Variants in KIAA1217 observed in about 807,000 individuals in gnomAD.
KIAA1217 encodes the protein sickle tail protein homolog.
Under a neutral mutation model 163.9 loss-of-function variants are expected in KIAA1217, and 88 were observed. The ratio of observed to expected loss-of-function variants is 0.54; its 90% CI spans 0.45 to 0.64. The LOEUF is 0.64. Ranked by LOEUF, KIAA1217 falls within the 30% of genes least tolerant of loss-of-function variation. The probability of loss-of-function intolerance (pLI) is 0.00; values close to 1 mark genes in which losing one functional copy is unlikely to be tolerated. For missense variants in KIAA1217, 2,372 were observed against 2,475.0 expected (o/e 0.96, Z 0.88); for synonymous variants, 903 against 923.1 (o/e 0.98, Z 0.39).
At chr10:23,840,179 A>G (rs1838702210) in intron 1 of KIAA1217, among the ~76,000 whole-genome samples, 1 of 148,790 alleles carries the variant, frequency 6.7e-6, no homozygotes, top group Non-Finnish European at 1.5e-5. Flanking sequence ...TTTTGAGAGG[A>G]AGTTTTGCTC....
intron 4 of KIAA1217, among the ~76,000 whole-genome samples, chr10:24,434,621 C>A (rs2059881069): frequency 6.6e-6 from 1 of 152,190 alleles, no homozygotes; most frequent in African/African-American, 2.4e-5. Context: ...TAGGCGTGGG[C>A]CACCACACCT....
intron 2 of KIAA1217, among the ~76,000 whole-genome samples, chr10:24,312,169 G>A (rs1439242081): frequency 6.6e-6 from 1 of 152,104 alleles, no homozygotes; most frequent in Non-Finnish European, 1.5e-5. Flanking sequence ...TCAGCACAAG[G>A]GCAGGACGGA....
rs1232609112 is a variant in KIAA1217, at chr10:24,356,734, C to T, written c.355-24135C>T. ...GCTCCCTTGCCCTTCCACAATTCCACCATGGGATGACACAGCAAGAAGGCC... is the reference window on the plus strand; with the variant it reads ...GCTCCCTTGCCCTTCCACAATTCCATCATGGGATGACACAGCAAGAAGGCC... On this transcript the variant is annotated intron_variant, in intron 2 of 20. Coordinates refer to ENST00000376454, the MANE Select transcript of KIAA1217 (RefSeq NM_019590.5). Among the ~76,000 whole-genome samples, 2 of 152,242 alleles carry T rather than the reference C, an allele frequency of 1.3e-5. 1 individual carries two copies. Among genetic ancestry groups the T allele is most frequent in the Admixed American group, 1.3e-4 (2 of 15,290 alleles).
intron 2 of KIAA1217, among the ~76,000 whole-genome samples, chr10:24,024,939 T>C (rs1438240998): frequency 6.6e-6 from 1 of 151,820 alleles, no homozygotes; most frequent in East Asian, 1.9e-4. Flanking sequence ...AAGTCTGTTA[T>C]CAGAATATAT....
chr10:24,266,430 T>C (rs1316188532), intron 2 of KIAA1217, among the ~76,000 whole-genome samples: 2 of 152,106 alleles, frequency 1.3e-5, no homozygotes, highest in East Asian at 1.9e-4. Flanking sequence ...CTTTTCTCCT[T>C]CCCTGATACC....
chr10:23,986,465 TTTAAA>T (rs1367604129), intron 1 of KIAA1217, among the ~76,000 whole-genome samples: 1 of 152,266 alleles, frequency 6.6e-6, no homozygotes, highest in African/African-American at 2.4e-5. Flanking sequence ...TCTGGTATAC[TTTAAA>T]TTATCTCTAG....
intron 2 of KIAA1217, among the ~76,000 whole-genome samples, chr10:24,370,160 G>T (rs2051388961): frequency 6.6e-6 from 1 of 151,558 alleles, no homozygotes; most frequent in Non-Finnish European, 1.5e-5. Context: ...AGCTACTCGG[G>T]AGGCTGAGGC....
intron 1 of KIAA1217, among the ~76,000 whole-genome samples, chr10:23,701,861 G>A (rs973088636): frequency 2.6e-5 from 4 of 152,118 alleles, no homozygotes; most frequent in Non-Finnish European, 5.9e-5. Flanking sequence ...TATACAGATC[G>A]TAATTCCTAC....
chr10:23,845,315 G>A (rs1038417132), intron 1 of KIAA1217, among the ~76,000 whole-genome samples: 2 of 152,156 alleles, frequency 1.3e-5, no homozygotes, highest in African/African-American at 4.8e-5. Flanking sequence ...TCACCACACT[G>A]TCTTCCACAA....
chr10:24,473,336 G>A lies in KIAA1217; in HGVS notation c.955G>A (p.Val319Met), dbSNP rs150098666. The change falls in exon 6 of 21, where the codon GTG (valine) becomes ATG (methionine). Residue 319 changes from valine to methionine, a missense_variant. Physicochemically the swap from Val to Met is conservative, Grantham distance 21. Coordinates refer to ENST00000376454, the MANE Select transcript of KIAA1217 (RefSeq NM_019590.5). ...AIPNSPPSTP[V>M]PHSMPPSPSR... Reference sequence around the variant, plus strand: ...TCCAAATTCCCCACCGTCTACTCCAGTGCCCCATTCCATGCCCCCCTCCCC... The same window carrying A: ...TCCAAATTCCCCACCGTCTACTCCAATGCCCCATTCCATGCCCCCCTCCCC... 3.1e-6 allele frequency: 5 copies of A among 1,592,002 alleles called. No homozygotes were observed. The African/African-American group carries it at 6.7e-5, about 21-fold the overall frequency.
chr10:24,273,421 A>G (rs1228575758), intron 2 of KIAA1217, among the ~76,000 whole-genome samples: 1 of 152,078 alleles, frequency 6.6e-6, no homozygotes, highest in African/African-American at 2.4e-5. Flanking sequence ...TTACATTATT[A>G]TTTTTATGTT....
At chr10:24,044,534 G>A (rs1472429063) in intron 2 of KIAA1217, among the ~76,000 whole-genome samples, 1 of 151,946 alleles carries the variant, frequency 6.6e-6, no homozygotes, top group Non-Finnish European at 1.5e-5. Context: ...CTCCCATTTA[G>A]TGTATTTCTT....
intron 3 of KIAA1217, among the ~76,000 whole-genome samples, chr10:24,394,749 C>G (rs2055486519): frequency 6.6e-6 from 1 of 152,164 alleles, no homozygotes; most frequent in African/African-American, 2.4e-5. Context: ...TGATTCACCC[C>G]ACAAACGCCA....
At chr10:24,292,293 A>T (rs1231983339) in intron 2 of KIAA1217, among the ~76,000 whole-genome samples, 1 of 152,206 alleles carries the variant, frequency 6.6e-6, no homozygotes, top group East Asian at 1.9e-4. Context: ...TGACCAAGGA[A>T]TTGAAGTAGA....
rs56333193 is a variant in KIAA1217, at chr10:23,938,560, T to C, written c.-320-68665T>C. On this transcript the variant is annotated intron_variant, in intron 1 of 18. Coordinates refer to the KIAA1217 transcript ENST00000376462. ...TACAAATTTTAAAATTTGTATTACTTTGTATATAATACAGCATACAACTAT... is the reference window on the plus strand; with the variant it reads ...TACAAATTTTAAAATTTGTATTACTCTGTATATAATACAGCATACAACTAT... Among the ~76,000 whole-genome samples, 730 of 152,324 alleles carry C rather than the reference T, an allele frequency of 4.8e-3. 4 individuals carry two copies. Among genetic ancestry groups the C allele is most frequent in the Non-Finnish European group, 8.5e-3 (580 of 68,036 alleles).
chr10:24,232,138 C>T (rs1282597488), intron 2 of KIAA1217, among the ~76,000 whole-genome samples: 1 of 152,176 alleles, frequency 6.6e-6, no homozygotes, highest in Admixed American at 6.5e-5. Flanking sequence ...CGTTGAAGTA[C>T]ATCTCAGAAG....
chr10:23,727,757 A>G (rs1284110701), intron 1 of KIAA1217, among the ~76,000 whole-genome samples: 5 of 152,080 alleles, frequency 3.3e-5, no homozygotes, highest in Non-Finnish European at 5.9e-5. Context: ...TCAACCTATC[A>G]TCTACATTAG....
chr10:23,842,164 G>A (rs952684931), intron 1 of KIAA1217, among the ~76,000 whole-genome samples: 10 of 151,898 alleles, frequency 6.6e-5, no homozygotes, highest in Middle Eastern at 3.4e-3. Flanking sequence ...CACCGTGCCC[G>A]GCATAGGACT....
At chr10:24,256,049 A>G (rs2075122030) in intron 2 of KIAA1217, among the ~76,000 whole-genome samples, 2 of 51,388 alleles carry the variant, frequency 3.9e-5, no homozygotes, top group Admixed American at 4.4e-4. Context: ...AGATGACCAA[A>G]AAAAAAAAAA....
Sources: allele counts gnomAD v4.1 joint callset (sites outside exome capture counted in the v4.1 genomes callset), GRCh38; gene constraint gnomAD v4.1.1; transcripts MANE v1.5; gene names NCBI Gene and HGNC (gene_info 2026-07-23, HGNC 2026-07-21).